TUT4: variants seen among roughly 807,000 people sequenced by gnomAD.
TUT4 encodes the protein terminal uridylyl transferase 4, also known as terminal uridylyltransferase 4.
A neutral mutation model predicts 192.2 loss-of-function variants in TUT4; 36 were observed. The observed-to-expected ratio is 0.19, with a 90% CI of 0.14 to 0.25. The LOEUF is 0.25. Ranked by LOEUF, TUT4 falls within the 10% of genes least tolerant of loss-of-function variation. The probability of loss-of-function intolerance (pLI) is 1.00; values close to 1 mark genes in which losing one functional copy is unlikely to be tolerated. For synonymous variants in TUT4, 618 were observed against 666.0 expected, an observed-to-expected ratio of 0.93 and a Z score of 1.11; for missense variants, 1,493 against 1,957.2, an observed-to-expected ratio of 0.76 and a Z score of 4.47.
chr1:52,490,955 C>A (rs1283398341), intron 7 of TUT4, among the ~76,000 whole-genome samples, 154 bp from the exon 8 acceptor site: 1 of 152,180 alleles, frequency 6.6e-6, no homozygotes, highest in African/African-American at 2.4e-5. Flanking sequence ...CCAGCGAAAT[C>A]TCTTACCTCT....
At chr1:52,546,287 GA>G (rs1267288570) in intron 1 of TUT4, among the ~76,000 whole-genome samples, 14 of 152,250 alleles carry the variant, frequency 9.2e-5, no homozygotes, top group Non-Finnish European at 1.3e-4. Context: ...CTAAAACATG[GA>G]AATAACCCAA....
chr1:52,440,123 G>A (rs1029526706), intron 24 of TUT4, among the ~76,000 whole-genome samples: 1 of 152,164 alleles, frequency 6.6e-6, no homozygotes, highest in African/African-American at 2.4e-5. Flanking sequence ...GGGAAGAGAC[G>A]GAATGAGAAC....
intron 2 of TUT4, 40 bp downstream of exon 2, chr1:52,525,523 G>C (rs1681521379): frequency 1.3e-6 from 2 of 1,568,710 alleles, no homozygotes; most frequent in African/African-American, 2.7e-5. Flanking sequence ...ATAATCTAAA[G>C]AACATTAATA....
intron 1 of TUT4, among the ~76,000 whole-genome samples, chr1:52,542,868 T>A (rs186876164): frequency 1.3e-4 from 20 of 152,264 alleles, no homozygotes; most frequent in African/African-American, 4.3e-4. Context: ...TTCAAGCGAT[T>A]CTCCTGCCTC....
intron 2 of TUT4, among the ~76,000 whole-genome samples, chr1:52,525,303 C>G (rs1458354851): frequency 6.6e-6 from 1 of 151,886 alleles, no homozygotes; most frequent in Non-Finnish European, 1.5e-5. Context: ...TGTGTACCAA[C>G]TAAAGAAGAT....
intron 13 of TUT4, among the ~76,000 whole-genome samples, chr1:52,472,925 T>C (rs557597019): frequency 2.0e-5 from 3 of 152,154 alleles, no homozygotes; most frequent in African/African-American, 7.2e-5. Context: ...ACAAATTATA[T>C]AAGGAAATCT....
chr1:52,447,500 G>A (rs1395408852), intron 20 of TUT4, among the ~76,000 whole-genome samples: 3 of 150,942 alleles, frequency 2.0e-5, no homozygotes, highest in Non-Finnish European at 3.0e-5. Flanking sequence ...GGAAAATTAG[G>A]AAGCTTTCCC....
intron 20 of TUT4, among the ~76,000 whole-genome samples, chr1:52,451,824 CA>C (rs1272363225): frequency 6.9e-6 from 1 of 145,206 alleles, no homozygotes; most frequent in Non-Finnish European, 1.5e-5. Context: ...GCCTGGGCAA[CA>C]GAGTGAGATT....
chr1:52,549,456 C>T (rs1688862476), intron 1 of TUT4, among the ~76,000 whole-genome samples: 1 of 152,218 alleles, frequency 6.6e-6, no homozygotes, highest in South Asian at 2.1e-4. Context: ...TTCCTCTCCA[C>T]CTAGCAAACT....
chr1:52,531,395 T>C (rs1683373215), intron 1 of TUT4, among the ~76,000 whole-genome samples: 2 of 151,942 alleles, frequency 1.3e-5, no homozygotes, highest in Non-Finnish European at 2.9e-5. Flanking sequence ...TAAGAAGTGA[T>C]CCTGAAAGTG....
At chr1:52,474,714 A>AT in intron 13 of TUT4, 118 bp downstream of exon 13, 1 of 869,816 alleles carries the variant, frequency 1.1e-6, no homozygotes. Context: ...ATACCAAAAT[A>AT]TCATTCCAAA....
intron 15 of TUT4, among the ~76,000 whole-genome samples, chr1:52,466,656 AAAAATAT>A (rs1664245194): frequency 7.5e-6 from 1 of 133,950 alleles, no homozygotes; most frequent in African/African-American, 3.3e-5. Flanking sequence ...AAAAAAAAAA[AAAAATAT>A]ATATATATAT....
At chr1:52,510,080 C>T (rs1313516879) in intron 3 of TUT4, among the ~76,000 whole-genome samples, 5 of 151,930 alleles carry the variant, frequency 3.3e-5, no homozygotes, top group Admixed American at 3.3e-4. Context: ...GGGAGGACGA[C>T]GCTGGCAGAT....
intron 27 of TUT4, chr1:52,435,151 A>G (rs2274147): frequency 0.28 from 98,624 of 350,092 alleles, 19,152 homozygotes; most frequent in African/African-American, 0.7. Context: ...GTAGGCTCAT[A>G]TAAATTAAGT....
intron 1 of TUT4, among the ~76,000 whole-genome samples, chr1:52,530,308 A>C (rs1476338728): frequency 2.0e-5 from 3 of 151,998 alleles, no homozygotes; most frequent in Non-Finnish European, 4.4e-5. Context: ...GTTATGAAAA[A>C]GACTGTATTT....
In TUT4 at chr1:52,446,410, T is replaced by C. The variant is rs2148457563; in HGVS notation, c.3546A>G (p.Thr1182=). 6.2e-7 allele frequency: 1 copy of C among 1,605,086 alleles called. No homozygotes were observed. The highest frequency in any genetic ancestry group is 8.5e-7 in the Non-Finnish European group (1 of 1,177,692). The part of the protein sequence containing the change: ...KKRLPSLGKN[T]ESLGELWLGL... ...CCAGCCAAAGCTCCCCTAATGATTCTGTGTTCTTTCCAAGTGAAGGTAAAC... is the reference window on the plus strand; with the variant it reads ...CCAGCCAAAGCTCCCCTAATGATTCCGTGTTCTTTCCAAGTGAAGGTAAAC... The change falls in exon 22 of 30, where the codon ACA becomes ACG. Residue 1182 remains threonine (T), a synonymous_variant. Coordinates refer to ENST00000257177, the MANE Select transcript of TUT4 (RefSeq NM_001009881.3).
chr1:52,527,484 G>A (rs1177435734), intron 1 of TUT4, among the ~76,000 whole-genome samples: 17 of 151,462 alleles, frequency 1.1e-4, no homozygotes, highest in African/African-American at 3.6e-4. Flanking sequence ...CCCAGGAGGC[G>A]GAGGTTGCAG....
intron 20 of TUT4, among the ~76,000 whole-genome samples, chr1:52,453,413 G>C (rs1483628551): frequency 6.6e-6 from 1 of 151,778 alleles, no homozygotes; most frequent in East Asian, 1.9e-4. Flanking sequence ...AAGCATTTTG[G>C]GTTTGAGTGT....
chr1:52,475,631 G>C lies in TUT4; in HGVS notation c.2024-96C>G, dbSNP rs1172510359. ...GATCTTAACTGATAAACTGTCAGGA[G>C]AATACATTTTCCCAAGGGGTTTTTC... On this transcript the variant is annotated intron_variant, in intron 12 of 29. Transcript: ENST00000257177. The C allele has an allele frequency of 1.2e-5, 14 of 1,168,120 alleles. No individual in the cohort carries two copies. The Admixed American group carries it at 3.5e-4, about 29-fold the overall frequency. 72.4% of individuals were successfully genotyped at this position (1,168,120 alleles called of 1,614,324 possible).
Sources: gnomAD v4.1 joint callset for allele counts (sites outside exome capture counted in the v4.1 genomes callset) on GRCh38, gnomAD v4.1.1 for gene constraint, MANE v1.5 for transcripts, NCBI Gene and HGNC (gene_info 2026-07-23, HGNC 2026-07-21) for gene names.